Variants in CHLSN observed in about 807,000 individuals in gnomAD.
The protein encoded by CHLSN is protein cholesin.
chr7:1,016,855 G>A, the CHLSN span, among the ~76,000 whole-genome samples: 1 of 73,008 alleles, frequency 1.4e-5, no homozygotes, highest in East Asian at 2.9e-4. Flanking sequence ...GCACACAGCA[G>A]CACACAGCAC....
At chr7:1,080,464 G>A in the CHLSN span, among the ~76,000 whole-genome samples, 12 of 152,332 alleles carry the variant, frequency 7.9e-5, no homozygotes, top group South Asian at 8.3e-4. Flanking sequence ...TGCCACCCGC[G>A]TGACGGTCCG....
chr7:1,005,812 T>A, the CHLSN span, among the ~76,000 whole-genome samples: 53 of 152,278 alleles, frequency 3.5e-4, no homozygotes, highest in Middle Eastern at 6.8e-3. Flanking sequence ...CCGTCCCGGC[T>A]GGATCCGTGT....
At chr7:1,111,030 C>G in the CHLSN span, among the ~76,000 whole-genome samples, 2 of 152,120 alleles carry the variant, frequency 1.3e-5, no homozygotes, top group Non-Finnish European at 2.9e-5. Flanking sequence ...GAGCCGGGAT[C>G]GCACCAGGGC....
chr7:1,007,557 C>A, the CHLSN span, among the ~76,000 whole-genome samples: 1 of 152,198 alleles, frequency 6.6e-6, no homozygotes, highest in Admixed American at 6.5e-5. Context: ...GGCTTGCGGG[C>A]ACCCTTGGAG....
the CHLSN span, among the ~76,000 whole-genome samples, chr7:1,036,605 G>A: frequency 2.0e-5 from 3 of 152,082 alleles, no homozygotes; most frequent in African/African-American, 7.2e-5. Flanking sequence ...GTGTCAGGAG[G>A]GTGTACATGC....
the CHLSN span, among the ~76,000 whole-genome samples, chr7:982,438 C>T: frequency 6.6e-6 from 1 of 152,242 alleles, no homozygotes; most frequent in Non-Finnish European, 1.5e-5. Context: ...CTTCTGCTGC[C>T]AGCAGCCCTC....
At chr7:1,118,799 CAAAAAAA>C in the CHLSN span, among the ~76,000 whole-genome samples, 21,943 of 77,222 alleles carry the variant, frequency 0.28, 2,175 homozygotes, top group Middle Eastern at 0.52. Context: ...CCATCTCTAC[CAAAAAAA>C]AAAAAAAAAA....
the CHLSN span, chr7:1,028,652 C>G: frequency 1.1e-6 from 1 of 940,288 alleles, no homozygotes; most frequent in Non-Finnish European, 1.3e-6. Context: ...TGACCGCCCC[C>G]ACCCAGCCCC....
chr7:987,136 G>A, the CHLSN span: 2 of 1,571,442 alleles, frequency 1.3e-6, no homozygotes, highest in Non-Finnish European at 1.7e-6. Flanking sequence ...TGTTTGCTGA[G>A]GCCAACGCGG....
chr7:1,009,649 G>A, the CHLSN span, among the ~76,000 whole-genome samples: 1 of 152,164 alleles, frequency 6.6e-6, no homozygotes, highest in African/African-American at 2.4e-5. Context: ...CCAGGCCCGT[G>A]GATTCTTCCT....
chr7:1,016,962 G>C, the CHLSN span, among the ~76,000 whole-genome samples: 5 of 137,398 alleles, frequency 3.6e-5, no homozygotes, highest in African/African-American at 1.5e-4. Context: ...GCGCACAGCA[G>C]CACACGCCAG....
At chr7:1,038,399 G>C in the CHLSN span, among the ~76,000 whole-genome samples, 1 of 88,790 alleles carries the variant, frequency 1.1e-5, no homozygotes, top group African/African-American at 4.9e-5. Flanking sequence ...GGGCCCCTCA[G>C]CCCGGCCAGC....
chr7:1,052,235 C>T, the CHLSN span, among the ~76,000 whole-genome samples: 9 of 152,352 alleles, frequency 5.9e-5, no homozygotes, highest in South Asian at 2.1e-4. The surrounding 1 kb of genome is among the most constrained non-coding windows in gnomAD (Gnocchi z 4.2). Flanking sequence ...TCTGAGCAGG[C>T]GCCTGCGTCG....
At chr7:984,289 C>T in the CHLSN span, 2 of 1,315,480 alleles carry the variant, frequency 1.5e-6, no homozygotes, top group South Asian at 3.0e-5. Context: ...TAGGCGTGCC[C>T]CCTCCACCTG....
the CHLSN span, among the ~76,000 whole-genome samples, chr7:1,019,124 GC>G: frequency 6.7e-6 from 1 of 149,120 alleles, no homozygotes; most frequent in Non-Finnish European, 1.5e-5. Flanking sequence ...CCCGCGGGGG[GC>G]AGAGGTTGCA....
the CHLSN span, among the ~76,000 whole-genome samples, chr7:1,052,657 A>G: frequency 1.4e-4 from 22 of 151,980 alleles, no homozygotes; most frequent in African/African-American, 5.3e-4. This position sits in a 1 kb window ranked among gnomAD's most constrained non-coding sequence, Gnocchi z 4.2. Context: ...GGCCTGGAGG[A>G]GAGGCCCACA....
the CHLSN span, among the ~76,000 whole-genome samples, chr7:1,008,460 C>A: frequency 2.0e-5 from 3 of 152,152 alleles, no homozygotes; most frequent in Non-Finnish European, 2.9e-5. Context: ...GCCCTGGGCA[C>A]CTGGCCTCAG....
At chr7:1,007,647 G>A in the CHLSN span, among the ~76,000 whole-genome samples, 2 of 152,204 alleles carry the variant, frequency 1.3e-5, no homozygotes, top group Non-Finnish European at 2.9e-5. Flanking sequence ...CCCAGGCCTT[G>A]GAAGAAGCTC....
At chr7:1,086,646 G>C in the CHLSN span, among the ~76,000 whole-genome samples, 1 of 151,404 alleles carries the variant, frequency 6.6e-6, no homozygotes, top group Admixed American at 6.6e-5. Flanking sequence ...CCCCACTCTT[G>C]CACCTGCACC....
Sources: gnomAD v4.1 joint callset for allele counts (sites outside exome capture counted in the v4.1 genomes callset) on GRCh38, gnomAD v4.1.1 for gene constraint, Gnocchi (gnomAD v3.1) non-coding constraint, MANE v1.5 for transcripts, NCBI Gene and HGNC (gene_info 2026-07-23, HGNC 2026-07-21) for gene names.